ARHGAP15: variants seen among roughly 807,000 people sequenced by gnomAD.
The protein encoded by ARHGAP15 is rho GTPase-activating protein 15.
ARHGAP15 carries 51 observed loss-of-function variants against 63.7 expected under a neutral mutation model. The observed-to-expected ratio is 0.80, with a 90% CI of 0.64 to 1.01. The LOEUF is 1.01. ARHGAP15 is among the 50% of genes least tolerant of loss of function. ARHGAP15 has a pLI of 0.00. For missense variants in ARHGAP15, 560 were observed against 564.6 expected, an observed-to-expected ratio of 0.99 and a Z score of 0.08; for synonymous variants, 191 against 193.8, an observed-to-expected ratio of 0.99 and a Z score of 0.12.
intron 6 of ARHGAP15, among the ~76,000 whole-genome samples, chr2:143,406,565 C>G (rs4662329): frequency 4.6e-5 from 7 of 151,572 alleles, no homozygotes; most frequent in Admixed American, 6.6e-5. Context: ...AAGTTTGTCA[C>G]TTTTTCCATT....
At chr2:143,166,494 G>A (rs1690541142) in intron 2 of ARHGAP15, among the ~76,000 whole-genome samples, 1 of 152,038 alleles carries the variant, frequency 6.6e-6, no homozygotes, top group African/African-American at 2.4e-5. Flanking sequence ...AAGTTTCTCT[G>A]TCCTCTAGGA....
At chr2:143,740,638 C>T (rs1400087542) in intron 13 of ARHGAP15, among the ~76,000 whole-genome samples, 1 of 152,202 alleles carries the variant, frequency 6.6e-6, no homozygotes, top group Non-Finnish European at 1.5e-5. Context: ...TCAACGAGAT[C>T]CGCCAGGTCT....
intron 6 of ARHGAP15, among the ~76,000 whole-genome samples, chr2:143,293,777 A>T (rs566899002): frequency 2.3e-4 from 35 of 152,188 alleles, no homozygotes; most frequent in Admixed American, 1.2e-3. Context: ...TGTCAAAAGG[A>T]TAATGTGATC....
chr2:143,651,277 CCCTTTCATAATTT>C (rs1238184805), intron 12 of ARHGAP15, among the ~76,000 whole-genome samples: 23 of 152,054 alleles, frequency 1.5e-4, no homozygotes, highest in African/African-American at 5.5e-4. Flanking sequence ...TTTCCCCACG[CCCTTTCATAATTT>C]CCTTCCTCCA....
At chr2:143,342,215 C>G (rs1333751036) in intron 6 of ARHGAP15, among the ~76,000 whole-genome samples, 2 of 152,026 alleles carry the variant, frequency 1.3e-5, no homozygotes, top group African/African-American at 4.8e-5. Context: ...TCAACAGATA[C>G]TATCTGGGCT....
At position 143,528,631 on chromosome 2, in the gene ARHGAP15, G is replaced by T. The variant is rs184110172; in HGVS notation, c.925+9267G>T. On this transcript the variant is annotated intron_variant, in intron 10 of 13. Transcript: ENST00000295095. ...TTGCTATCAAAAGCTCTGTAAAGACGTTGAATATACCAATGTTATTAAAAT... is the reference window on the plus strand; with the variant it reads ...TTGCTATCAAAAGCTCTGTAAAGACTTTGAATATACCAATGTTATTAAAAT... Among the ~76,000 whole-genome samples, 921 of 152,134 alleles carry T rather than the reference G, an allele frequency of 6.1e-3. 9 individuals carry two copies. Among genetic ancestry groups the T allele is most frequent in the Non-Finnish European group, 8.9e-3 (603 of 67,954 alleles).
chr2:143,453,126 T>C (rs1690484454), intron 8 of ARHGAP15, among the ~76,000 whole-genome samples: 1 of 151,968 alleles, frequency 6.6e-6, no homozygotes, highest in Admixed American at 6.6e-5. Context: ...AGTGACATTA[T>C]TATCATCCCC....
rs545545085 is a variant in ARHGAP15 at position 143,313,171 on chromosome 2, A to C, written c.474+62571A>C. On this transcript the variant is annotated intron_variant, in intron 6 of 13. Coordinates refer to ENST00000295095, the MANE Select transcript of ARHGAP15 (RefSeq NM_018460.4). ...CAAGATGAGAGAGAAAAAAAGAAAA[A>C]CTTAGCTTGGGTAGCATAATATGGA... is the stretch of plus-strand genomic sequence containing the variant. 7.9e-5 allele frequency among the ~76,000 whole-genome samples: 12 copies of C among 152,264 alleles called. No homozygotes were observed. The East Asian group carries it at 2.1e-3, about 27-fold the overall frequency.
chr2:143,132,394 C>A (rs1377285834), intron 1 of ARHGAP15, among the ~76,000 whole-genome samples: 1 of 152,200 alleles, frequency 6.6e-6, no homozygotes. Context: ...CATTCCTCAG[C>A]TCTTCTTTTC....
intron 3 of ARHGAP15, among the ~76,000 whole-genome samples, chr2:143,216,138 A>G (rs1382286704): frequency 6.6e-6 from 1 of 152,238 alleles, no homozygotes; most frequent in African/African-American, 2.4e-5. Context: ...AAGAAAAGTC[A>G]ATAAAGGTGT....
chr2:143,409,677 T>C (rs1414069837), intron 6 of ARHGAP15, among the ~76,000 whole-genome samples: 1 of 152,112 alleles, frequency 6.6e-6, no homozygotes, highest in Non-Finnish European at 1.5e-5. Context: ...ATTTTTACCA[T>C]ACCATTTCTA....
chr2:143,584,058 A>G (rs982374686), intron 11 of ARHGAP15, among the ~76,000 whole-genome samples: 2 of 152,212 alleles, frequency 1.3e-5, no homozygotes, highest in Admixed American at 6.5e-5. Flanking sequence ...ATGCCACCCA[A>G]GAGTAACCAT....
chr2:143,387,879 A>C (rs1409510537), intron 6 of ARHGAP15, among the ~76,000 whole-genome samples: 1 of 150,850 alleles, frequency 6.6e-6, no homozygotes, highest in Non-Finnish European at 1.5e-5. Context: ...ACATACACGC[A>C]TGCGTGCACA....
At chr2:143,444,698 TAAC>T (rs1398780009) in intron 8 of ARHGAP15, among the ~76,000 whole-genome samples, 3 of 152,172 alleles carry the variant, frequency 2.0e-5, no homozygotes, top group Non-Finnish European at 4.4e-5. Context: ...AATCCGTTGT[TAAC>T]ACATGGAATC....
rs190230792 is a variant in ARHGAP15 at position 143,444,005 on chromosome 2, G to A, written c.703+6963G>A. Among the ~76,000 whole-genome samples, 27 of 152,188 alleles carry A rather than the reference G, an allele frequency of 1.8e-4. No individual in the cohort carries two copies. In the East Asian group the frequency reaches 4.6e-3, roughly 26 times the overall value. On this transcript the variant is annotated intron_variant, in intron 8 of 13. Transcript: ENST00000295095. ...CTTTCCCATCTAAGGGGCTGATCTC[G>A]CCCTCTGACCTGTGGATGTCCATTG...
Position 143,205,930 on chromosome 2 carries a change from C to A in ARHGAP15, c.234+3728C>A, listed in dbSNP as rs532152165. Among the ~76,000 whole-genome samples, 4 of 152,176 alleles carry A rather than the reference C, an allele frequency of 2.6e-5. No individual in the cohort carries two copies. In the East Asian group the frequency reaches 7.7e-4, roughly 29 times the overall value. On this transcript the variant is annotated intron_variant, in intron 3 of 13. Transcript: ENST00000295095. ...ACCTTATCATACCCTATCATCCCCC[C>A]CACTGATCCTAGGCAGCAATTCCAG... is the stretch of plus-strand genomic sequence containing the variant.
At chr2:143,505,714 A>T (rs1693280448) in intron 9 of ARHGAP15, among the ~76,000 whole-genome samples, 1 of 152,176 alleles carries the variant, frequency 6.6e-6, no homozygotes, top group Admixed American at 6.5e-5. Context: ...GAACCACATG[A>T]TTCCCTGGCT....
intron 12 of ARHGAP15, among the ~76,000 whole-genome samples, chr2:143,655,880 C>T (rs527743457): frequency 1.3e-5 from 2 of 152,132 alleles, no homozygotes; most frequent in Non-Finnish European, 2.9e-5. Flanking sequence ...GCATTCGGTA[C>T]GTCCATTTTC....
chr2:143,354,572 A>G (rs1191931373), intron 6 of ARHGAP15, among the ~76,000 whole-genome samples: 1 of 152,102 alleles, frequency 6.6e-6, no homozygotes, highest in Non-Finnish European at 1.5e-5. Context: ...TAAATGATAA[A>G]CACAGATTGC....
Sources: gnomAD v4.1 joint callset for allele counts (sites outside exome capture counted in the v4.1 genomes callset) on GRCh38, gnomAD v4.1.1 for gene constraint, MANE v1.5 for transcripts, NCBI Gene and HGNC (gene_info 2026-07-23, HGNC 2026-07-21) for gene names.